SLC12A7: variants seen among roughly 807,000 people sequenced by gnomAD.
SLC12A7 encodes the protein K-Cl cotransporter 4.
Under a neutral mutation model 120.6 loss-of-function variants are expected in SLC12A7, and 100 were observed. That is an observed-to-expected ratio of 0.83 (90% CI 0.71 to 0.98). The LOEUF is 0.98. Among genes scored for constraint, SLC12A7 ranks in the 50% least tolerant of loss-of-function variants. The pLI is 0.00. For synonymous variants in SLC12A7, 760 were observed against 678.0 expected, an observed-to-expected ratio of 1.12 and a Z score of -1.88; for missense variants, 1,373 against 1,548.1, an observed-to-expected ratio of 0.89 and a Z score of 1.90.
upstream of SLC12A7, among the ~76,000 whole-genome samples, chr5:1,112,528 C>T (rs1178378971): frequency 7.1e-5 from 3 of 42,276 alleles, no homozygotes; most frequent in East Asian, 9.1e-4. Flanking sequence ...CTGCTGGAAC[C>T]CCTGCCCTTT....
Position 1,073,673 on chromosome 5 carries a change from G to A in SLC12A7, c.2201C>T (p.Thr734Met), listed in dbSNP as rs142627688. The A allele has an allele frequency of 1.3e-4, 204 of 1,602,750 alleles. 2 individuals carry two copies. Among genetic ancestry groups the A allele is most frequent in the Admixed American group, 6.0e-4 (35 of 58,668 alleles). ...AGCCTCCATGTGCTTGTCCAGGTAC[G>A]TCCCCTCCAGCACCGAGCCCACGAT... ...LTIVGSVLEG[T>M]YLDKHMEAQR... Residue 734 changes from threonine to methionine, a missense_variant, in exon 17 of 24, where the codon ACG becomes ATG. Transcript: ENST00000264930.
chr5:1,096,674 AAGAAAGGAGGGAGGG>A (rs1741168196), intron 1 of SLC12A7, among the ~76,000 whole-genome samples: 1 of 126,404 alleles, frequency 7.9e-6, no homozygotes, highest in Non-Finnish European at 1.7e-5. Context: ...GGAGGGAAGG[AAGAAAGGAGGGAGGG>A]GGGAAGGGAG....
In SLC12A7 at chr5:1,064,226, G is replaced by C. The variant is rs751647966; in HGVS notation, c.2464C>G (p.His822Asp). Reference protein sequence around the residue: ...VDTVRDTTAAHQALLVAKNVD... With the variant: ...VDTVRDTTAADQALLVAKNVD... ...TTCTTGGCCACCAGCAGAGCCTGGT[G>C]CGCGGCGGTGGTGTCGCGGACGGTG... The change falls in exon 19 of 24, where the codon CAC becomes GAC. Residue 822 changes from histidine to aspartate, a missense_variant. Physicochemically the swap from His to Asp is moderately conservative, Grantham distance 81. Coordinates refer to ENST00000264930, the MANE Select transcript of SLC12A7 (RefSeq NM_006598.3). The C allele has an allele frequency of 6.2e-7, 1 of 1,611,880 alleles. No individual in the cohort carries two copies. The highest frequency in any genetic ancestry group is 8.5e-7 in the Non-Finnish European group (1 of 1,179,480).
At chr5:1,060,798 C>G (rs1404134695) in intron 20 of SLC12A7, among the ~76,000 whole-genome samples, 2 of 152,202 alleles carry the variant, frequency 1.3e-5, no homozygotes, top group African/African-American at 2.4e-5. Flanking sequence ...TCCACGCTCA[C>G]AGGTGTCATT....
At chr5:1,076,094 TC>T in intron 14 of SLC12A7, 43 bp downstream of exon 14, 1 of 1,526,382 alleles carries the variant, frequency 6.6e-7, no homozygotes. Flanking sequence ...GCACCCAGTG[TC>T]CCAGCCTGTG....
At position 1,087,038 on chromosome 5, in the gene SLC12A7, G is replaced by C. The variant is rs374801750; in HGVS notation, c.545-5C>G. On this transcript the variant is annotated splice_polypyrimidine_tract_variant and splice_region_variant and intron_variant, in intron 5 of 23. Transcript: ENST00000264930. ...TCATGTAGTAGGACCCGCCAGCTGC[G>C]GAGACAAAGGCGGCAGCCGCGGGTC... 43 of 1,609,682 alleles carry C rather than the reference G, an allele frequency of 2.7e-5. No homozygotes were observed. Among genetic ancestry groups the C allele is most frequent in the Non-Finnish European group, 3.4e-5 (40 of 1,178,082 alleles).
At chr5:1,082,077 T>C (rs1579380852) in intron 8 of SLC12A7, among the ~76,000 whole-genome samples, 1 of 146,418 alleles carries the variant, frequency 6.8e-6, no homozygotes, top group Non-Finnish European at 1.5e-5. Flanking sequence ...CCATCTTGGG[T>C]TCTGGAAAGC....
At chr5:1,086,803 G>C in intron 6 of SLC12A7, 100 bp downstream of exon 6, 1 of 1,489,816 alleles carries the variant, frequency 6.7e-7, no homozygotes, top group Non-Finnish European at 9.2e-7. Context: ...GGTCAGGATG[G>C]CTCAGTGTGC....
chr5:1,081,768 G>A, intron 8 of SLC12A7, 24 bp from the exon 9 acceptor site: 1 of 1,602,860 alleles, frequency 6.2e-7, no homozygotes, highest in Non-Finnish European at 8.5e-7. Flanking sequence ...AAGATCCCAT[G>A]GGTTTCTGGC....
the SLC12A7 span, among the ~76,000 whole-genome samples, chr5:1,123,595 C>T: frequency 3.1e-4 from 47 of 152,230 alleles, no homozygotes; most frequent in Non-Finnish European, 6.5e-4. Flanking sequence ...GCAATGAGGC[C>T]GGCCAGAGAC....
intron 20 of SLC12A7, among the ~76,000 whole-genome samples, chr5:1,061,052 TCACCCGCCG>T (rs1242300872): frequency 3.3e-4 from 41 of 124,382 alleles, no homozygotes; most frequent in African/African-American, 9.9e-4. Flanking sequence ...TCCCTGAGTC[TCACCCGCCG>T]CACCCGCCGC....
chr5:1,063,481 G>A (rs958122660), intron 20 of SLC12A7, among the ~76,000 whole-genome samples: 2 of 152,134 alleles, frequency 1.3e-5, no homozygotes, highest in Non-Finnish European at 2.9e-5. Flanking sequence ...CCACACCCGT[G>A]TTACACGAGG....
At chr5:1,120,489 A>G in the SLC12A7 span, among the ~76,000 whole-genome samples, 1 of 152,256 alleles carries the variant, frequency 6.6e-6, no homozygotes, top group East Asian at 1.9e-4. Flanking sequence ...TGCTGGCCAG[A>G]TGCTCACAGC....
chr5:1,066,650 C>T (rs1737085295), intron 17 of SLC12A7, among the ~76,000 whole-genome samples: 1 of 152,196 alleles, frequency 6.6e-6, no homozygotes, highest in South Asian at 2.1e-4. Context: ...GTTGAGAGAG[C>T]ATCCTGGGTC....
chr5:1,152,787 C>CGA, the SLC12A7 span, among the ~76,000 whole-genome samples: 3 of 152,076 alleles, frequency 2.0e-5, no homozygotes, highest in Non-Finnish European at 2.9e-5. Context: ...GAGGGATGAC[C>CGA]GACACGGGGG....
At chr5:1,130,471 A>G in the SLC12A7 span, among the ~76,000 whole-genome samples, 3 of 121,794 alleles carry the variant, frequency 2.5e-5, no homozygotes, top group African/African-American at 8.4e-5. Flanking sequence ...ACCCCAGGAG[A>G]GGCCACCTGG....
chr5:1,100,904 C>A (rs1180837984), intron 1 of SLC12A7, among the ~76,000 whole-genome samples: 1 of 152,210 alleles, frequency 6.6e-6, no homozygotes, highest in African/African-American at 2.4e-5. Flanking sequence ...CAGAAAAGCA[C>A]ACCCGGGAAG....
chr5:1,116,753 C>T (rs556476959), upstream of SLC12A7, among the ~76,000 whole-genome samples: 11 of 152,308 alleles, frequency 7.2e-5, no homozygotes, highest in South Asian at 1.7e-3. Flanking sequence ...AGGGAAGGTT[C>T]GCATCTCCTC....
intron 5 of SLC12A7, among the ~76,000 whole-genome samples, chr5:1,087,293 T>C (rs1460408038): frequency 6.6e-6 from 1 of 152,094 alleles, no homozygotes; most frequent in East Asian, 1.9e-4. Context: ...TAAGGCTCTC[T>C]GGGGAGCAGG....
Sources: allele counts gnomAD v4.1 joint callset (sites outside exome capture counted in the v4.1 genomes callset), GRCh38; gene constraint gnomAD v4.1.1; transcripts MANE v1.5; gene names NCBI Gene and HGNC (gene_info 2026-07-23, HGNC 2026-07-21).